WDR41: variants seen among roughly 807,000 people sequenced by gnomAD.
The protein encoded by WDR41 is WD repeat domain 41.
A neutral mutation model predicts 69.3 loss-of-function variants in WDR41; 63 were observed. The ratio of observed to expected loss-of-function variants is 0.91; its 90% CI spans 0.74 to 1.12. The LOEUF is 1.12. Among genes scored for constraint, WDR41 ranks in the 50% most tolerant of loss-of-function variants. The pLI, the probability that WDR41 is intolerant of heterozygous loss-of-function variation, is 0.00. For missense variants in WDR41, 543 were observed against 534.5 expected, an observed-to-expected ratio of 1.02 and a Z score of -0.16; for synonymous variants, 185 against 192.1, an observed-to-expected ratio of 0.96 and a Z score of 0.31.
At chr5:77,458,525 ATGTT>A (rs533404526) in intron 5 of WDR41, among the ~76,000 whole-genome samples, 40 of 152,276 alleles carry the variant, frequency 2.6e-4, no homozygotes, top group African/African-American at 9.4e-4. Context: ...AGTCTTATCT[ATGTT>A]TGTTTCTCTA....
At chr5:77,502,865 A>T (rs1204024234) in intron 1 of WDR41, among the ~76,000 whole-genome samples, 1 of 152,222 alleles carries the variant, frequency 6.6e-6, no homozygotes, top group African/African-American at 2.4e-5. Flanking sequence ...TCCTGAAGGA[A>T]GCACTAAACA....
intron 1 of WDR41, among the ~76,000 whole-genome samples, chr5:77,498,573 C>T (rs1009252637): frequency 2.4e-4 from 36 of 152,006 alleles, no homozygotes; most frequent in Admixed American, 2.2e-3. Flanking sequence ...AATCCCAGCG[C>T]TTTGGGAGGC....
At chr5:77,466,752 C>A (rs191502395) in intron 2 of WDR41, among the ~76,000 whole-genome samples, 2 of 151,098 alleles carry the variant, frequency 1.3e-5, no homozygotes, top group East Asian at 3.9e-4. Flanking sequence ...AGGTCAATTA[C>A]CTGGTTGGTA....
intron 8 of WDR41, among the ~76,000 whole-genome samples, chr5:77,448,534 C>T (rs763291197): frequency 6.6e-6 from 1 of 151,974 alleles, no homozygotes; most frequent in Non-Finnish European, 1.5e-5. Context: ...CTCTCTGTGT[C>T]CCTCGCTCCC....
chr5:77,444,911 A>G (rs945851372), intron 8 of WDR41, among the ~76,000 whole-genome samples: 1 of 152,246 alleles, frequency 6.6e-6, no homozygotes, highest in Non-Finnish European at 1.5e-5. Flanking sequence ...TCCAAAAGCT[A>G]GAAGAAGACA....
intron 1 of WDR41, among the ~76,000 whole-genome samples, chr5:77,598,211 T>C (rs1744258913): frequency 6.6e-6 from 1 of 152,212 alleles, no homozygotes; most frequent in African/African-American, 2.4e-5. Flanking sequence ...CATCTACCTT[T>C]GATAACAATA....
At chr5:77,529,320 T>C (rs780135702) in intron 1 of WDR41, among the ~76,000 whole-genome samples, 26 of 151,288 alleles carry the variant, frequency 1.7e-4, no homozygotes, top group Admixed American at 1.4e-3. Flanking sequence ...TCTAAAAACT[T>C]GTAAACCTCT....
chr5:77,452,445 G>C (rs551817218), intron 6 of WDR41: 1 of 152,186 alleles, frequency 6.6e-6, no homozygotes, highest in Non-Finnish European at 1.5e-5. Flanking sequence ...GAAAGGACAC[G>C]GATGCCCTGT....
chr5:77,592,861 G>C (rs956575623), intron 1 of WDR41, among the ~76,000 whole-genome samples: 2 of 152,164 alleles, frequency 1.3e-5, no homozygotes, highest in Non-Finnish European at 2.9e-5. Flanking sequence ...TAGCTAATCA[G>C]TTTCCAGTCC....
chr5:77,505,207 A>G (rs1426712484), intron 1 of WDR41, among the ~76,000 whole-genome samples: 2 of 152,214 alleles, frequency 1.3e-5, no homozygotes, highest in African/African-American at 2.4e-5. Flanking sequence ...ATGTGCAAAG[A>G]TCACAAGCAT....
chr5:77,601,841 T>C (rs1339777416), intron 1 of WDR41, among the ~76,000 whole-genome samples: 2 of 152,232 alleles, frequency 1.3e-5, no homozygotes, highest in African/African-American at 4.8e-5. Flanking sequence ...TATTGATACA[T>C]AATATTTGTA....
At chr5:77,468,448 A>G (rs1800403014) in intron 2 of WDR41, among the ~76,000 whole-genome samples, 1 of 152,216 alleles carries the variant, frequency 6.6e-6, no homozygotes, top group Non-Finnish European at 1.5e-5. Context: ...CTGAGAAAGT[A>G]TTCTCTCGTT....
intron 5 of WDR41, among the ~76,000 whole-genome samples, chr5:77,457,168 G>T (rs773920915): frequency 3.9e-5 from 6 of 152,040 alleles, no homozygotes; most frequent in Non-Finnish European, 8.8e-5. Context: ...TGATCCTGTG[G>T]TTTTTGTCCT....
intron 1 of WDR41, among the ~76,000 whole-genome samples, chr5:77,589,361 A>G (rs1434278827): frequency 1.3e-5 from 2 of 152,174 alleles, no homozygotes; most frequent in African/African-American, 4.8e-5. Flanking sequence ...TCATTTTAGA[A>G]TCAGCTTATC....
chr5:77,579,135 C>T (rs1453977175), intron 1 of WDR41, among the ~76,000 whole-genome samples: 1 of 151,962 alleles, frequency 6.6e-6, no homozygotes, highest in Non-Finnish European at 1.5e-5. Flanking sequence ...GAAAAATGAG[C>T]AGAGCCTCAG....
chr5:77,469,670 T>A (rs1800478519), intron 2 of WDR41, among the ~76,000 whole-genome samples: 1 of 151,960 alleles, frequency 6.6e-6, no homozygotes, highest in Non-Finnish European at 1.5e-5. Flanking sequence ...GAAAAAATGC[T>A]AAGGGTATCA....
chr5:77,613,798 A>G (rs1269969892), intron 1 of WDR41, among the ~76,000 whole-genome samples: 1 of 152,254 alleles, frequency 6.6e-6, no homozygotes, highest in African/African-American at 2.4e-5. Flanking sequence ...GACAAATGGG[A>G]TCTAATTAAA....
chr5:77,445,359 G>A (rs552862833), intron 8 of WDR41, among the ~76,000 whole-genome samples: 42 of 152,308 alleles, frequency 2.8e-4, no homozygotes, highest in African/African-American at 5.3e-4. Flanking sequence ...ACAAAGAGGA[G>A]CTGGTACCAT....
chr5:77,442,287 T>C (rs1464471532), intron 8 of WDR41, among the ~76,000 whole-genome samples: 1 of 152,138 alleles, frequency 6.6e-6, no homozygotes, highest in African/African-American at 2.4e-5. Context: ...ACACATCGAA[T>C]TGAGAATTGA....
Sources: gnomAD v4.1 joint callset for allele counts (sites outside exome capture counted in the v4.1 genomes callset) on GRCh38, gnomAD v4.1.1 for gene constraint, MANE v1.5 for transcripts, NCBI Gene and HGNC (gene_info 2026-07-23, HGNC 2026-07-21) for gene names.